The following SYNE2 variants were observed in gnomAD, a reference collection of about 807,000 sequenced individuals.
The protein encoded by SYNE2 is nesprin-2.
Under a neutral mutation model 856.3 loss-of-function variants are expected in SYNE2, and 431 were observed. The ratio of observed to expected loss-of-function variants is 0.50; its 90% CI spans 0.47 to 0.55. The LOEUF (loss-of-function observed/expected upper bound fraction) is 0.55, where lower values mean the gene tolerates loss of function less well. SYNE2 is among the 20% of genes least tolerant of loss of function. The pLI is 0.00. For synonymous variants in SYNE2, 2,923 were observed against 2,872.3 expected (o/e 1.02, Z -0.56); for missense variants, 8,129 against 8,023.2 (o/e 1.01, Z -0.50).
intron 103 of SYNE2, 111 bp from the exon 104 acceptor site, chr14:64,211,850 C>A: frequency 6.6e-7 from 1 of 1,511,320 alleles, no homozygotes; most frequent in Non-Finnish European, 9.2e-7. Flanking sequence ...AGGCAGATTT[C>A]TCCCTGAGTA....
intron 30 of SYNE2, among the ~76,000 whole-genome samples, chr14:64,005,903 A>G (rs1262906140): frequency 6.6e-6 from 1 of 152,294 alleles, no homozygotes; most frequent in East Asian, 1.9e-4. Context: ...GATCAGGAAG[A>G]TGAGGGGGAA....
intron 96 of SYNE2, among the ~76,000 whole-genome samples, chr14:64,181,129 G>A (rs554457122): frequency 6.6e-6 from 1 of 151,680 alleles, no homozygotes; most frequent in East Asian, 1.9e-4. Context: ...TCCTACACGG[G>A]TCAATACCTT....
Position 64,190,198 on chromosome 14 carries a change from A to G in SYNE2, c.17999A>G (p.Asn6000Ser), listed in dbSNP as rs2098511597. ...ATCGATGACAAGCTCAACAAAATTAACGATCGTTGGCAACATCTTTTTGAT... is the reference window on the plus strand; with the variant it reads ...ATCGATGACAAGCTCAACAAAATTAGCGATCGTTGGCAACATCTTTTTGAT... ...AEIDDKLNKI[N>S]DRWQHLFDVI... Residue 6000 changes from asparagine (N) to serine (S), a missense_variant, in exon 99 of 116, where the codon AAC becomes AGC. This residue lies in a region of SYNE2 where 5,410 missense variants were observed against 5,284.8 expected (regional missense o/e 1.02). Transcript: ENST00000555002. 2 of 1,614,158 alleles carry G rather than the reference A, an allele frequency of 1.2e-6. No individual in the cohort carries two copies. Among genetic ancestry groups the G allele is most frequent in the African/African-American group, 1.3e-5 (1 of 75,022 alleles).
chr14:63,865,718 C>A lies in SYNE2; in HGVS notation c.-52+12575C>A, dbSNP rs1327054247. ...CAAGAGCAAAACTCTGTACCCACCC[C>A]CCCCCCAAAAAAAAAGAAAAGAAAA... On this transcript the variant is annotated intron_variant, in intron 1 of 115. Transcript: ENST00000555002. Among the ~76,000 whole-genome samples the A allele has an allele frequency of 4.5e-5, 5 of 112,292 alleles. 1 individual carries two copies. The highest frequency in any genetic ancestry group is 8.8e-5 in the Admixed American group (1 of 11,410). 73.7% of individuals were successfully genotyped at this position (112,292 alleles called of 152,430 possible).
intron 1 of SYNE2, among the ~76,000 whole-genome samples, chr14:63,795,653 C>T (rs1202811849): frequency 6.6e-6 from 1 of 152,112 alleles, no homozygotes; most frequent in Non-Finnish European, 1.5e-5. Context: ...TCACTTTGGC[C>T]TCCCAAAATG....
intron 85 of SYNE2, among the ~76,000 whole-genome samples, chr14:64,155,116 CATAG>C (rs1443988462): frequency 1.3e-5 from 2 of 152,154 alleles, no homozygotes; most frequent in African/African-American, 2.4e-5. Flanking sequence ...TCTACTCCTC[CATAG>C]ATAGCCCAAG....
chr14:63,930,861 C>T (rs2095744706), intron 2 of SYNE2, among the ~76,000 whole-genome samples: 1 of 152,096 alleles, frequency 6.6e-6, no homozygotes, highest in Admixed American at 6.6e-5. Context: ...TAAGTGTTTC[C>T]TTGAGTTCTG....
At chr14:64,200,944 A>G (rs556455857) in intron 99 of SYNE2, among the ~76,000 whole-genome samples, 2 of 152,340 alleles carry the variant, frequency 1.3e-5, no homozygotes, top group East Asian at 3.9e-4. Flanking sequence ...TGAGAATAAA[A>G]CACTGATGAA....
rs371619823 is a variant in SYNE2 at position 64,152,070 on chromosome 14, A to G, written c.15640-494A>G. On this transcript the variant is annotated intron_variant, in intron 84 of 115. Coordinates refer to ENST00000555002, the MANE Select transcript of SYNE2 (RefSeq NM_182914.3). ...GTGCCTCTTATGAGTGAATTAATAA[A>G]CTAAGAGGTAGAAAATGATTAAAGT... 1.7e-4 allele frequency among the ~76,000 whole-genome samples: 26 copies of G among 152,324 alleles called. 1 individual carries two copies. Among genetic ancestry groups the G allele is most frequent in the Middle Eastern group, 3.4e-3 (1 of 294 alleles).
intron 37 of SYNE2, 124 bp downstream of exon 37, chr14:64,022,152 T>C: frequency 4.4e-6 from 4 of 903,370 alleles, no homozygotes; most frequent in Non-Finnish European, 7.0e-6. Context: ...TTCAAGGAAA[T>C]AATAATCAGA....
At chr14:64,203,083 T>G in intron 100 of SYNE2, 120 bp downstream of exon 100, 1 of 1,354,988 alleles carries the variant, frequency 7.4e-7, no homozygotes, top group South Asian at 1.2e-5. Context: ...TTGGTTTGCT[T>G]TTTCCAGAGA....
intron 66 of SYNE2, among the ~76,000 whole-genome samples, chr14:64,115,355 G>A (rs1490725706): frequency 6.6e-6 from 1 of 152,146 alleles, no homozygotes; most frequent in Non-Finnish European, 1.5e-5. Flanking sequence ...GGCATAGACT[G>A]GGGGTCAGGC....
chr14:64,164,296 G>C (rs929447835), intron 89 of SYNE2, among the ~76,000 whole-genome samples: 2 of 152,008 alleles, frequency 1.3e-5, no homozygotes, highest in Non-Finnish European at 2.9e-5. Context: ...ATTTTTAGTA[G>C]AGACAGGGTT....
At chr14:64,000,391 T>C (rs371980792) in intron 27 of SYNE2, among the ~76,000 whole-genome samples, 171 bp from the exon 28 acceptor site, 7 of 152,354 alleles carry the variant, frequency 4.6e-5, no homozygotes, top group African/African-American at 1.7e-4. Flanking sequence ...AATGTCCTTG[T>C]TCCCTAAAGG....
At chr14:64,222,292 C>T (rs543742684) in intron 112 of SYNE2, among the ~76,000 whole-genome samples, 1 of 152,196 alleles carries the variant, frequency 6.6e-6, no homozygotes, top group Non-Finnish European at 1.5e-5. Context: ...AAAGCAGTGG[C>T]GTCCAGTAGA....
chr14:64,190,400 A>G (rs1400602755), intron 99 of SYNE2, among the ~76,000 whole-genome samples, 163 bp downstream of exon 99: 2 of 152,244 alleles, frequency 1.3e-5, no homozygotes, highest in African/African-American at 4.8e-5. Flanking sequence ...CAGTGTTACA[A>G]AAAGAATTAT....
At chr14:63,787,471 G>A (rs1409993725) in intron 1 of SYNE2, among the ~76,000 whole-genome samples, 1 of 152,198 alleles carries the variant, frequency 6.6e-6, no homozygotes, top group Non-Finnish European at 1.5e-5. Context: ...TCTGTGGCCG[G>A]TGATGCCTTT....
Position 63,814,370 on chromosome 14 carries a change from A to G in SYNE2, c.-304-38131A>G, listed in dbSNP as rs369151369. On this transcript the variant is annotated intron_variant, in intron 1 of 23. Transcript: ENST00000674003. Reference sequence around the variant, plus strand: ...CAGGGTTCTCTAGAGAGAAAGAACTAATAGGATATATATTATATATATATC... The same window carrying G: ...CAGGGTTCTCTAGAGAGAAAGAACTGATAGGATATATATTATATATATATC... 3.2e-4 allele frequency among the ~76,000 whole-genome samples: 47 copies of G among 148,298 alleles called. No individual in the cohort carries two copies. In the East Asian group the frequency reaches 8.9e-3, roughly 28 times the overall value.
At chr14:64,084,962 T>TA (rs1401937462) in intron 57 of SYNE2, 5 of 702,174 alleles carry the variant, frequency 7.1e-6, no homozygotes, top group Non-Finnish European at 1.3e-5. Flanking sequence ...TGCTTCTACT[T>TA]ACAGACACGT....
Sources: allele counts gnomAD v4.1 joint callset (sites outside exome capture counted in the v4.1 genomes callset), GRCh38; gene constraint gnomAD v4.1.1; regional missense constraint gnomAD v4.1.1; transcripts MANE v1.5; gene names NCBI Gene and HGNC (gene_info 2026-07-23, HGNC 2026-07-21).